The following BICRAL variants were observed in gnomAD, a reference collection of about 807,000 sequenced individuals.
BICRAL encodes the protein BRD4-interacting chromatin-remodeling complex-associated protein-like.
In BICRAL, 8 loss-of-function variants were observed where a neutral mutation model predicts 91.8. The observed-to-expected ratio is 0.09, with a 90% CI of 0.05 to 0.16. BICRAL has a LOEUF of 0.16. Among genes scored for constraint, BICRAL ranks in the 10% least tolerant of loss-of-function variants. BICRAL has a pLI of 1.00. For synonymous variants in BICRAL, 445 were observed against 491.1 expected (o/e 0.91, Z 1.24); for missense variants, 1,038 against 1,310.9 (o/e 0.79, Z 3.21).
At chr6:42,812,160 T>G (rs1763858772) in intron 2 of BICRAL, among the ~76,000 whole-genome samples, 1 of 152,152 alleles carries the variant, frequency 6.6e-6, no homozygotes, top group South Asian at 2.1e-4. Context: ...AATGATAGAA[T>G]TAATCATTTT....
intron 5 of BICRAL, among the ~76,000 whole-genome samples, chr6:42,824,414 G>A (rs578241585): frequency 2.6e-5 from 4 of 152,048 alleles, no homozygotes; most frequent in East Asian, 3.9e-4. Context: ...GCACGATCTC[G>A]TCTCACTGCA....
intron 1 of BICRAL, among the ~76,000 whole-genome samples, chr6:42,794,892 C>A (rs185345961): frequency 6.7e-6 from 1 of 150,292 alleles, no homozygotes; most frequent in Non-Finnish European, 1.5e-5. Context: ...ACCCGGGAGG[C>A]GGAGGTTACA....
intron 1 of BICRAL, among the ~76,000 whole-genome samples, chr6:42,806,953 C>G (rs1276045225): frequency 6.6e-6 from 1 of 152,096 alleles, no homozygotes; most frequent in African/African-American, 2.4e-5. Context: ...GCCTCAGCCT[C>G]CCAAGTAGCT....
chr6:42,835,207 C>T (rs1764605433), intron 6 of BICRAL, among the ~76,000 whole-genome samples: 1 of 152,066 alleles, frequency 6.6e-6, no homozygotes, highest in Non-Finnish European at 1.5e-5. Flanking sequence ...CTGCTCACTG[C>T]AACCTCTGCC....
intron 1 of BICRAL, among the ~76,000 whole-genome samples, chr6:42,795,760 T>C (rs145887436): frequency 2.6e-5 from 4 of 152,348 alleles, no homozygotes; most frequent in Non-Finnish European, 4.4e-5. Context: ...TTACATCATA[T>C]TGCTTTCTAG....
At chr6:42,760,848 C>A (rs1762532627) in intron 1 of BICRAL, among the ~76,000 whole-genome samples, 2 of 152,138 alleles carry the variant, frequency 1.3e-5, no homozygotes, top group African/African-American at 2.4e-5. Flanking sequence ...ATGGCGAAAC[C>A]CGATCTCTAC....
At chr6:42,837,885 T>C (rs1027838145) in intron 6 of BICRAL, among the ~76,000 whole-genome samples, 7 of 152,222 alleles carry the variant, frequency 4.6e-5, no homozygotes, top group Non-Finnish European at 7.3e-5. Context: ...TGGTGTGAGC[T>C]TAAGTTCCTT....
intron 8 of BICRAL, 126 bp downstream of exon 8, chr6:42,853,864 C>A: frequency 1.5e-6 from 1 of 679,210 alleles, no homozygotes. Context: ...TGTGTGCCCA[C>A]AACAGGGTGG....
In BICRAL at chr6:42,829,293, G is replaced by A; in HGVS notation, c.960G>A (p.Met320Ile). 2 of 1,614,172 alleles carry A rather than the reference G, an allele frequency of 1.2e-6. No individual in the cohort carries two copies. Among genetic ancestry groups the A allele is most frequent in the Non-Finnish European group, 1.7e-6 (2 of 1,180,032 alleles). The change falls in exon 6 of 13, where the codon ATG becomes ATA. Residue 320 changes from methionine to isoleucine, a missense_variant. Physicochemically the swap from Met to Ile is conservative, Grantham distance 10 (BLOSUM62 1). This residue lies in a region of BICRAL where 532 missense variants were observed against 724.9 expected (regional missense o/e 0.73). Transcript: ENST00000314073. The stretch of plus-strand genomic sequence containing the variant: ...ATATACAGCCAAAGCCTATCCAGAT[G>A]GGTCAGCAAAATACATACAATGTGA... The part of the protein sequence containing the change: ...PINIQPKPIQ[M>I]GQQNTYNVNN...
At chr6:42,802,755 G>T (rs1763613424) in intron 1 of BICRAL, among the ~76,000 whole-genome samples, 2 of 151,316 alleles carry the variant, frequency 1.3e-5, no homozygotes, top group Admixed American at 6.6e-5. Context: ...CCTTTTTTTT[G>T]TTTTTAATAG....
At position 42,828,749 on chromosome 6, in the gene BICRAL, C is replaced by T; in HGVS notation, c.416C>T (p.Ala139Val). 1 of 1,614,218 alleles carries T rather than the reference C, an allele frequency of 6.2e-7. No homozygotes were observed. The highest frequency in any genetic ancestry group is 8.5e-7 in the Non-Finnish European group (1 of 1,180,036). Reference sequence around the variant, plus strand: ...GGTTCAAGCCAACAGTTTGCACAAGCTCAGCTTCATCCTTCTTCATCAGCA... The same window carrying T: ...GGTTCAAGCCAACAGTTTGCACAAGTTCAGCTTCATCCTTCTTCATCAGCA... ...SIGSSQQFAQ[A>V]QLHPSSSASF... The change falls in exon 6 of 13, where the codon GCT becomes GTT. Residue 139 changes from alanine to valine, a missense_variant. Physicochemically the swap from Ala to Val is moderately conservative, Grantham distance 64. Coordinates refer to ENST00000314073, the MANE Select transcript of BICRAL (RefSeq NM_001393499.1).
intron 6 of BICRAL, among the ~76,000 whole-genome samples, chr6:42,845,195 GTTTTTTTTTTTTTTTTTTTTTT>G (rs748804344): frequency 6.6e-4 from 17 of 25,610 alleles, no homozygotes; most frequent in Admixed American, 2.0e-3. Flanking sequence ...TTTTTTGGGT[GTTTTTTTTTTTTTTTTTTTTTT>G]TTTTTTTTTT....
At chr6:42,780,435 G>A (rs776012989), upstream of BICRAL, among the ~76,000 whole-genome samples, 8 of 152,182 alleles carry the variant, frequency 5.3e-5, no homozygotes, top group Admixed American at 2.0e-4. Flanking sequence ...GGGAGAGATG[G>A]GCTTGAGCCA....
intron 1 of BICRAL, among the ~76,000 whole-genome samples, chr6:42,751,048 C>T (rs1408350560): frequency 1.3e-5 from 2 of 150,220 alleles, no homozygotes; most frequent in Non-Finnish European, 3.0e-5. Context: ...TGTCCTAATG[C>T]TCCCCCTCCC....
At chr6:42,846,380 TAAAC>T (rs1321275076) in intron 6 of BICRAL, among the ~76,000 whole-genome samples, 308 of 148,714 alleles carry the variant, frequency 2.1e-3, no homozygotes, top group African/African-American at 7.6e-3. Flanking sequence ...AAAAATAAAA[TAAAC>T]AATAAGTTAA....
At chr6:42,814,520 T>TATATA (rs1491538864) in intron 2 of BICRAL, among the ~76,000 whole-genome samples, 23 of 41,174 alleles carry the variant, frequency 5.6e-4, no homozygotes, top group African/African-American at 2.0e-3. Context: ...TATATATATA[T>TATATA]TTTTTTTTTT....
intron 12 of BICRAL, among the ~76,000 whole-genome samples, chr6:42,863,714 T>C (rs191160764): frequency 6.6e-6 from 1 of 152,296 alleles, no homozygotes; most frequent in East Asian, 1.9e-4. Context: ...AAGGAGGTCA[T>C]TAGCTGAAAA....
intron 2 of BICRAL, among the ~76,000 whole-genome samples, chr6:42,814,442 T>C (rs1044893898): frequency 6.9e-6 from 1 of 145,158 alleles, no homozygotes; most frequent in African/African-American, 2.5e-5. Flanking sequence ...CATACATGTA[T>C]GTATATGTAT....
intron 1 of BICRAL, among the ~76,000 whole-genome samples, chr6:42,752,554 C>T (rs1371088192): frequency 1.3e-5 from 2 of 151,726 alleles, no homozygotes; most frequent in East Asian, 3.9e-4. Context: ...TCAAGCAATT[C>T]TCCCATTTCA....
Sources: gnomAD v4.1 joint callset for allele counts (sites outside exome capture counted in the v4.1 genomes callset) on GRCh38, gnomAD v4.1.1 for gene constraint, gnomAD v4.1.1 regional missense constraint, MANE v1.5 for transcripts, NCBI Gene and HGNC (gene_info 2026-07-23, HGNC 2026-07-21) for gene names.